The following ZMIZ1 variants were observed in gnomAD, a reference collection of about 807,000 sequenced individuals.
ZMIZ1 encodes the protein zinc finger MIZ-type containing 1.
ZMIZ1 carries 17 observed loss-of-function variants against 113.9 expected under a neutral mutation model. The ratio of observed to expected loss-of-function variants is 0.15; its 90% confidence interval spans 0.10 to 0.22. The LOEUF (loss-of-function observed/expected upper bound fraction) is 0.22. Ranked by LOEUF, ZMIZ1 falls within the 10% of genes least tolerant of loss-of-function variation. ZMIZ1 has a pLI of 1.00. For synonymous variants in ZMIZ1, 607 were observed against 603.1 expected (o/e 1.01, Z -0.09); for missense variants, 1,059 against 1,477.8 (o/e 0.72, Z 4.65).
At chr10:79,228,895 C>G (rs1482300210) in intron 7 of ZMIZ1, among the ~76,000 whole-genome samples, 1 of 152,230 alleles carries the variant, frequency 6.6e-6, no homozygotes, top group Non-Finnish European at 1.5e-5. Flanking sequence ...GTATCCCCGG[C>G]CTCATCTCCC....
chr10:79,189,033 T>A (rs571677205), intron 4 of ZMIZ1, among the ~76,000 whole-genome samples: 1 of 152,352 alleles, frequency 6.6e-6, no homozygotes, highest in African/African-American at 2.4e-5. Flanking sequence ...GGCTTTTCTC[T>A]GATCTCCTGT....
At position 79,314,618 on chromosome 10, in the gene ZMIZ1, C is replaced by A; in HGVS notation, c.*1869C>A. On this transcript the variant is annotated 3_prime_UTR_variant, in exon 25 of 25. Transcript: ENST00000334512. ...TGATAATATTCAACATTTTCATGAC[C>A]TGGTTATAGCCTTTGCTGGTGTTTT... 4.2e-6 allele frequency: 1 copy of A among 235,750 alleles called. No individual in the cohort carries two copies. The allele number at this position is 235,750 out of a possible 1,614,324, so 14.6% of individuals were successfully genotyped here.
intron 4 of ZMIZ1, among the ~76,000 whole-genome samples, chr10:79,181,216 A>T (rs1183987053): frequency 2.6e-5 from 4 of 152,004 alleles, no homozygotes; most frequent in South Asian, 2.1e-4. Flanking sequence ...TCCCAGTGGG[A>T]AGGGGCCTGG....
chr10:79,286,346 T>A (rs1853075503), intron 8 of ZMIZ1, among the ~76,000 whole-genome samples: 2 of 152,228 alleles, frequency 1.3e-5, no homozygotes, highest in Non-Finnish European at 2.9e-5. Flanking sequence ...GGCAGTGGCG[T>A]CACATCAGCA....
chr10:79,273,397 T>A (rs1480989453), intron 7 of ZMIZ1, among the ~76,000 whole-genome samples: 1 of 152,080 alleles, frequency 6.6e-6, no homozygotes, highest in African/African-American at 2.4e-5. Context: ...AGTCTTGCTG[T>A]GTTGCCCAGG....
chr10:79,272,594 C>T (rs1012174523), intron 7 of ZMIZ1, among the ~76,000 whole-genome samples: 8 of 152,218 alleles, frequency 5.3e-5, no homozygotes, highest in African/African-American at 1.7e-4. Context: ...GCTAGCCTCG[C>T]CTGCTTCACC....
intron 11 of ZMIZ1, chr10:79,292,691 T>C (rs943521762): frequency 8.3e-6 from 4 of 480,356 alleles, no homozygotes; most frequent in African/African-American, 7.8e-5. Context: ...GTGGGCTCAA[T>C]GTCTAAAAAT....
chr10:79,290,999 A>G lies in ZMIZ1; in HGVS notation c.581A>G (p.Asn194Ser). The change falls in exon 10 of 25, where the codon AAT becomes AGT. Residue 194 changes from asparagine (N) to serine (S), a missense_variant. Coordinates refer to ENST00000334512, the MANE Select transcript of ZMIZ1 (RefSeq NM_020338.4). ...NPMANANNPM[N>S]PGGNPMASGM... ...ATGGCCAATGCCAACAACCCCATGA[A>G]TCCAGGCGGCAACCCCATGGCGTCG... The G allele has an allele frequency of 6.2e-7, 1 of 1,614,196 alleles. No individual in the cohort carries two copies. Among genetic ancestry groups the G allele is most frequent in the East Asian group, 2.2e-5 (1 of 44,886 alleles).
At chr10:79,241,070 G>A (rs979784121) in intron 7 of ZMIZ1, among the ~76,000 whole-genome samples, 1 of 152,170 alleles carries the variant, frequency 6.6e-6, no homozygotes, top group Non-Finnish European at 1.5e-5. Context: ...ATGGGGAAGG[G>A]TTTGTGTTCT....
intron 7 of ZMIZ1, among the ~76,000 whole-genome samples, chr10:79,258,854 G>C (rs1334536733): frequency 2.6e-5 from 4 of 152,214 alleles, no homozygotes. Context: ...TGGAAGGAAT[G>C]ACTGACTGAA....
rs199797525 is a variant in ZMIZ1, at chr10:79,299,135, G to A, written c.1752G>A (p.Ala584=). ...LEPFRLEHNL[A]VSNHVFHLRP... is the part of the protein sequence containing the mutation. ...CCTTCCGCCTGGAGCACAACCTGGC[G>A]GTCAGCAACCATGTGTTCCACCTGC... The change falls in exon 16 of 25, where the codon GCG becomes GCA. Residue 584 remains alanine, a synonymous_variant. Transcript: ENST00000334512. 2.5e-4 allele frequency: 406 copies of A among 1,611,660 alleles called. No individual in the cohort carries two copies. Among genetic ancestry groups the A allele is most frequent in the East Asian group, 2.2e-4 (10 of 44,866 alleles).
chr10:79,214,949 G>A (rs1848659607), intron 6 of ZMIZ1, among the ~76,000 whole-genome samples: 2 of 152,152 alleles, frequency 1.3e-5, no homozygotes, highest in African/African-American at 4.8e-5. Flanking sequence ...GCCACCCAAG[G>A]GTCCCCTGGA....
chr10:79,117,633 G>T (rs1338349288), intron 1 of ZMIZ1, among the ~76,000 whole-genome samples: 1 of 152,182 alleles, frequency 6.6e-6, no homozygotes, highest in African/African-American at 2.4e-5. Flanking sequence ...ATTTTTCTGT[G>T]GACATGGAGT....
intron 2 of ZMIZ1, among the ~76,000 whole-genome samples, chr10:79,124,234 G>T (rs1422899052): frequency 6.6e-6 from 1 of 152,194 alleles, no homozygotes; most frequent in Non-Finnish European, 1.5e-5. Flanking sequence ...CTGTTTATTG[G>T]TCTGTAAAAT....
chr10:79,306,468 C>A, intron 22 of ZMIZ1, 124 bp downstream of exon 22: 4 of 1,459,740 alleles, frequency 2.7e-6, no homozygotes, highest in South Asian at 2.7e-5. Flanking sequence ...AGAAGTAACA[C>A]ATCCCCCAAA....
Position 79,313,040 on chromosome 10 carries a change from C to T in ZMIZ1, c.*291C>T, listed in dbSNP as rs557902005. Reference sequence around the variant, plus strand: ...ACCACCCTCCCGAGAGGAACCAGCCCGGTAAGAGGGCACACGCTGATGCGG... The same window carrying T: ...ACCACCCTCCCGAGAGGAACCAGCCTGGTAAGAGGGCACACGCTGATGCGG... On this transcript the variant is annotated 3_prime_UTR_variant, in exon 25 of 25. Coordinates refer to ENST00000334512, the MANE Select transcript of ZMIZ1 (RefSeq NM_020338.4). The T allele has an allele frequency of 2.4e-4, 107 of 437,852 alleles. No homozygotes were observed. Among genetic ancestry groups the T allele is most frequent in the Non-Finnish European group, 9.1e-5 (22 of 241,870 alleles). The allele number at this position is 437,852 out of a possible 1,614,324, so 27.1% of individuals were successfully genotyped here. A position where few individuals can be genotyped will look rare whatever the true frequency, so the allele number is the denominator to read the frequency against.
intron 7 of ZMIZ1, among the ~76,000 whole-genome samples, chr10:79,262,525 C>T (rs746160581): frequency 6.6e-5 from 10 of 152,162 alleles, no homozygotes; most frequent in Non-Finnish European, 1.3e-4. Flanking sequence ...TTCTTATAAA[C>T]CATTTTGATT....
intron 1 of ZMIZ1, among the ~76,000 whole-genome samples, chr10:79,101,067 G>A (rs1330358656): frequency 6.6e-6 from 1 of 152,170 alleles, no homozygotes; most frequent in Non-Finnish European, 1.5e-5. Context: ...AATCTTGAAG[G>A]GGTCCACAGA....
chr10:79,159,628 C>T (rs1360880154), intron 3 of ZMIZ1, among the ~76,000 whole-genome samples: 1 of 152,212 alleles, frequency 6.6e-6, no homozygotes, highest in Non-Finnish European at 1.5e-5. Flanking sequence ...TCAGTGTCCA[C>T]CTCACAGCGT....
Sources: allele counts gnomAD v4.1 joint callset (sites outside exome capture counted in the v4.1 genomes callset), GRCh38; gene constraint gnomAD v4.1.1; transcripts MANE v1.5; gene names NCBI Gene and HGNC (gene_info 2026-07-23, HGNC 2026-07-21).